GPC6: variants seen among roughly 807,000 people sequenced by gnomAD.
The protein encoded by GPC6 is glypican-6.
In GPC6, 14 loss-of-function variants were observed where a neutral mutation model predicts 55.2. That is an observed-to-expected ratio of 0.25 (90% CI 0.17 to 0.40). GPC6 has a LOEUF of 0.40. GPC6 is among the 10% of genes least tolerant of loss of function. The pLI, the probability that GPC6 is intolerant of heterozygous loss-of-function variation, is 1.00. For missense variants in GPC6, 641 were observed against 708.5 expected (o/e 0.90, Z 1.08); for synonymous variants, 278 against 259.6 (o/e 1.07, Z -0.68).
Position 94,037,714 on chromosome 13 carries a change from G to T in GPC6, c.877+9820G>T, listed in dbSNP as rs117428038. Among the ~76,000 whole-genome samples the T allele has an allele frequency of 4.7e-4, 72 of 152,032 alleles. No homozygotes were observed. In the East Asian group the frequency reaches 9.7e-3, roughly 21 times the overall value. On this transcript the variant is annotated intron_variant, in intron 4 of 8. Transcript: ENST00000377047. Reference sequence around the variant, plus strand: ...TCCAGGTTTTGGCTTCAGTACCAGGGTTATTAACCACGGTACCAATTAACT... The same window carrying T: ...TCCAGGTTTTGGCTTCAGTACCAGGTTTATTAACCACGGTACCAATTAACT...
intron 3 of GPC6, among the ~76,000 whole-genome samples, chr13:93,979,451 C>CT (rs931169322): frequency 6.0e-5 from 9 of 150,892 alleles, no homozygotes; most frequent in South Asian, 2.1e-4. Flanking sequence ...TTTCCTGATG[C>CT]TTTTTTTTAA....
At chr13:93,861,805 C>T (rs957174300) in intron 3 of GPC6, among the ~76,000 whole-genome samples, 1 of 151,688 alleles carries the variant, frequency 6.6e-6, no homozygotes, top group African/African-American at 2.4e-5. Context: ...GACCTCTTTA[C>T]TGGTCGAGTT....
intron 1 of GPC6, among the ~76,000 whole-genome samples, chr13:93,363,314 G>A (rs543630929): frequency 6.7e-6 from 1 of 148,796 alleles, no homozygotes; most frequent in South Asian, 2.1e-4. Context: ...TCCCCAGAGT[G>A]TGATGTTCCC....
chr13:93,878,864 T>A (rs911754037), intron 3 of GPC6, among the ~76,000 whole-genome samples: 1 of 152,122 alleles, frequency 6.6e-6, no homozygotes, highest in Non-Finnish European at 1.5e-5. Context: ...TTTTGTTATA[T>A]CAGCACAAAT....
At chr13:93,736,515 G>T (rs1363174203) in intron 2 of GPC6, among the ~76,000 whole-genome samples, 1 of 152,138 alleles carries the variant, frequency 6.6e-6, no homozygotes, top group African/African-American at 2.4e-5. Context: ...ATTGATAGGG[G>T]TAGGAGATGT....
intron 3 of GPC6, among the ~76,000 whole-genome samples, chr13:93,926,965 G>C (rs1407875721): frequency 5.9e-5 from 9 of 152,246 alleles, no homozygotes; most frequent in East Asian, 3.9e-4. Context: ...TGTTGACAAA[G>C]ACTATATGTT....
At chr13:93,420,755 T>G (rs1388965099) in intron 1 of GPC6, among the ~76,000 whole-genome samples, 1 of 152,140 alleles carries the variant, frequency 6.6e-6, no homozygotes, top group Non-Finnish European at 1.5e-5. Context: ...CAACAAAAAT[T>G]CACTGGAGTC....
chr13:94,066,536 G>A (rs966677282), intron 4 of GPC6, among the ~76,000 whole-genome samples: 1 of 152,094 alleles, frequency 6.6e-6, no homozygotes, highest in African/African-American at 2.4e-5. Flanking sequence ...CTTACATTTA[G>A]CATTCAACTG....
intron 6 of GPC6, among the ~76,000 whole-genome samples, chr13:94,369,252 A>C (rs1855313427): frequency 6.6e-6 from 1 of 152,330 alleles, no homozygotes; most frequent in South Asian, 2.1e-4. Flanking sequence ...CCAGATGCAC[A>C]CAACAGGTAG....
At chr13:94,121,296 C>A (rs763616672) in intron 4 of GPC6, among the ~76,000 whole-genome samples, 3 of 152,108 alleles carry the variant, frequency 2.0e-5, no homozygotes, top group Non-Finnish European at 4.4e-5. Flanking sequence ...GGAATAAAGA[C>A]GGTTGGCATT....
At chr13:93,989,648 C>A (rs919279417) in intron 3 of GPC6, among the ~76,000 whole-genome samples, 1 of 152,098 alleles carries the variant, frequency 6.6e-6, no homozygotes, top group African/African-American at 2.4e-5. Context: ...TGCCATCAAG[C>A]AGCAATAATG....
intron 1 of GPC6, chr13:93,450,748 TA>T: frequency 1.0e-6 from 1 of 959,406 alleles, no homozygotes; most frequent in Non-Finnish European, 1.2e-6. Context: ...CAGTTTAAGG[TA>T]AGGATGAACC....
intron 2 of GPC6, among the ~76,000 whole-genome samples, chr13:93,647,666 G>C (rs540797620): frequency 6.6e-6 from 1 of 152,112 alleles, no homozygotes; most frequent in Non-Finnish European, 1.5e-5. Flanking sequence ...CTTTCAATCC[G>C]TGATTCTTCC....
chr13:93,677,061 C>G (rs909393750), intron 2 of GPC6, among the ~76,000 whole-genome samples: 2 of 151,874 alleles, frequency 1.3e-5, no homozygotes, highest in Non-Finnish European at 2.9e-5. Context: ...TACATTAGTA[C>G]TAAAAAGAGA....
rs116748246 is a variant in GPC6, at chr13:93,563,190, A to G, written c.319+17769A>G. Among the ~76,000 whole-genome samples, 684 of 152,266 alleles carry G rather than the reference A, an allele frequency of 4.5e-3. 6 individuals are homozygous for G. Among genetic ancestry groups the G allele is most frequent in the African/African-American group, 0.015 (638 of 41,566 alleles). On this transcript the variant is annotated intron_variant, in intron 2 of 8. Coordinates refer to ENST00000377047, the MANE Select transcript of GPC6 (RefSeq NM_005708.5). ...CATTCTCACTTCGACAATATTGGAT[A>G]TGATCCACTTAATTATGAAAAAAAA...
At chr13:94,396,078 T>C (rs1156506654) in intron 7 of GPC6, among the ~76,000 whole-genome samples, 2 of 152,214 alleles carry the variant, frequency 1.3e-5, no homozygotes, top group Admixed American at 6.5e-5. Context: ...CTCTCTGTGG[T>C]ATCAGTTCTT....
intron 3 of GPC6, among the ~76,000 whole-genome samples, chr13:93,875,885 T>C (rs1594546531): frequency 6.6e-6 from 1 of 151,918 alleles, no homozygotes; most frequent in Non-Finnish European, 1.5e-5. Flanking sequence ...ACTGAATGGG[T>C]CTTGTGAGGA....
intron 1 of GPC6, among the ~76,000 whole-genome samples, chr13:93,423,050 C>CA (rs1043209824): frequency 5.5e-5 from 3 of 54,978 alleles, no homozygotes; most frequent in South Asian, 4.8e-4. Context: ...GGTGGTCACA[C>CA]CCCACCAGCT....
chr13:94,389,576 C>T (rs1308428520), intron 7 of GPC6, among the ~76,000 whole-genome samples: 3 of 152,162 alleles, frequency 2.0e-5, no homozygotes, highest in African/African-American at 7.2e-5. Context: ...ACTGCATCAC[C>T]TCTAACTTCT....
Sources: gnomAD v4.1 joint callset for allele counts (sites outside exome capture counted in the v4.1 genomes callset) on GRCh38, gnomAD v4.1.1 for gene constraint, MANE v1.5 for transcripts, NCBI Gene and HGNC (gene_info 2026-07-23, HGNC 2026-07-21) for gene names.